PLGRKT: variants seen among roughly 807,000 people sequenced by gnomAD.
PLGRKT encodes plasminogen receptor (KT).
PLGRKT carries 22 observed loss-of-function variants against 18.5 expected under a neutral mutation model. That is an observed-to-expected ratio of 1.19 (90% CI 0.85 to 1.70). The LOEUF is 1.70. Among genes scored for constraint, PLGRKT ranks in the 40% most tolerant of loss-of-function variants. PLGRKT has a pLI of 0.00. For synonymous variants in PLGRKT, 72 were observed against 52.8 expected, an observed-to-expected ratio of 1.36 and a Z score of -1.58; for missense variants, 235 against 174.4, an observed-to-expected ratio of 1.35 and a Z score of -1.96.
intron 3 of PLGRKT, among the ~76,000 whole-genome samples, chr9:5,429,313 G>A (rs1818768391): frequency 6.6e-6 from 1 of 152,212 alleles, no homozygotes; most frequent in Non-Finnish European, 1.5e-5. Flanking sequence ...AAGCTCCAGT[G>A]AGGCCACTGC....
At chr9:5,407,217 G>A (rs994395649) in intron 3 of PLGRKT, among the ~76,000 whole-genome samples, 9 of 152,112 alleles carry the variant, frequency 5.9e-5, no homozygotes, top group Admixed American at 4.6e-4. Context: ...GATGCTAAAT[G>A]ACAAAATTAT....
At chr9:5,366,661 C>A (rs1817394233) in intron 3 of PLGRKT, among the ~76,000 whole-genome samples, 1 of 152,060 alleles carries the variant, frequency 6.6e-6, no homozygotes, top group Admixed American at 6.5e-5. Context: ...TGTGAAAAAG[C>A]TAGAAGCATT....
chr9:5,402,045 G>A (rs149236347), intron 3 of PLGRKT, among the ~76,000 whole-genome samples: 89 of 151,872 alleles, frequency 5.9e-4, no homozygotes, highest in African/African-American at 1.9e-3. Context: ...CAGTTTGAGA[G>A]CATCAAATTC....
chr9:5,395,054 A>G (rs976543779), intron 3 of PLGRKT, among the ~76,000 whole-genome samples: 1 of 151,558 alleles, frequency 6.6e-6, no homozygotes, highest in Non-Finnish European at 1.5e-5. Context: ...ACAATGAAAC[A>G]TTACACTCAA....
chr9:5,379,947 A>G (rs1817705545), intron 3 of PLGRKT, among the ~76,000 whole-genome samples: 1 of 152,230 alleles, frequency 6.6e-6, no homozygotes, highest in Admixed American at 6.5e-5. Flanking sequence ...AGAAATGCAT[A>G]CAAGACTATT....
At chr9:5,430,766 G>C (rs749935356) in intron 3 of PLGRKT, among the ~76,000 whole-genome samples, 16 of 152,150 alleles carry the variant, frequency 1.1e-4, no homozygotes, top group Non-Finnish European at 1.9e-4. Context: ...AGCCATAATG[G>C]GCCACAGAGG....
chr9:5,367,597 G>C (rs1817422975), intron 3 of PLGRKT, among the ~76,000 whole-genome samples: 1 of 152,048 alleles, frequency 6.6e-6, no homozygotes, highest in African/African-American at 2.4e-5. Flanking sequence ...ACTCAAAATG[G>C]ATTAAAGACT....
chr9:5,371,277 A>G (rs1029704622), intron 3 of PLGRKT, among the ~76,000 whole-genome samples: 1 of 152,188 alleles, frequency 6.6e-6, no homozygotes, highest in Non-Finnish European at 1.5e-5. Flanking sequence ...AGAACCTAGG[A>G]AAGAAACAAC....
intron 3 of PLGRKT, among the ~76,000 whole-genome samples, chr9:5,417,382 A>T (rs1202052684): frequency 6.6e-6 from 1 of 152,218 alleles, no homozygotes. Flanking sequence ...AATTAACTCA[A>T]AATGGACCCA....
At chr9:5,423,882 ATAGTC>A (rs1818624299) in intron 3 of PLGRKT, among the ~76,000 whole-genome samples, 1 of 146,078 alleles carries the variant, frequency 6.8e-6, no homozygotes. Flanking sequence ...TATATGTAAT[ATAGTC>A]TATAATATAT....
intron 3 of PLGRKT, among the ~76,000 whole-genome samples, chr9:5,369,256 G>GA (rs1296701007): frequency 2.0e-5 from 3 of 151,874 alleles, no homozygotes; most frequent in Non-Finnish European, 2.9e-5. Context: ...AAATTTACAA[G>GA]AAAAAAAGAA....
chr9:5,417,622 A>G (rs1165025296), intron 3 of PLGRKT, among the ~76,000 whole-genome samples: 1 of 151,760 alleles, frequency 6.6e-6, no homozygotes, highest in East Asian at 1.9e-4. Flanking sequence ...CTTATAGCCA[A>G]TAAAAATCTA....
chr9:5,410,831 C>T (rs1398993222), intron 3 of PLGRKT, among the ~76,000 whole-genome samples: 1 of 151,944 alleles, frequency 6.6e-6, no homozygotes, highest in East Asian at 1.9e-4. Flanking sequence ...TACAAATGAA[C>T]AATAAAATTT....
In PLGRKT at chr9:5,361,154, G is replaced by A; in HGVS notation, c.246C>T (p.Val82=). Residue 82 remains valine (V), a synonymous_variant, in exon 5 of 6, where the codon GTC becomes GTT. Transcript: ENST00000223864. ...AIKKKKPAFL[V]PIVPLSFILT... ...GGATAAAGCTTAATGGAACAATCGG[G>A]ACCAGGAAGGCTGGCTTCTTTTTTT... 6.2e-7 allele frequency: 1 copy of A among 1,609,714 alleles called. No homozygotes were observed. The highest frequency in any genetic ancestry group is 8.5e-7 in the Non-Finnish European group (1 of 1,177,222).
intron 3 of PLGRKT, among the ~76,000 whole-genome samples, chr9:5,371,984 T>C (rs1817526930): frequency 2.0e-5 from 2 of 97,740 alleles, no homozygotes; most frequent in Admixed American, 1.2e-4. Context: ...TATCAGAAAA[T>C]CCTTTTTTTT....
At chr9:5,370,119 T>A (rs1307118540) in intron 3 of PLGRKT, among the ~76,000 whole-genome samples, 3 of 151,862 alleles carry the variant, frequency 2.0e-5, no homozygotes, top group African/African-American at 7.3e-5. Context: ...ATAAAAAACA[T>A]AAAAGGAAGC....
Position 5,418,760 on chromosome 9 carries a change from C to A in PLGRKT, c.81+13137G>T. ...GGAATGGTGATGACAGCCAGGACCTCGGGGTCGTCGAGGAGCTGCGACACG... is the reference window on the plus strand; with the variant it reads ...GGAATGGTGATGACAGCCAGGACCTAGGGGTCGTCGAGGAGCTGCGACACG... On this transcript the variant is annotated intron_variant, in intron 3 of 5. Coordinates refer to ENST00000223864, the MANE Select transcript of PLGRKT (RefSeq NM_018465.4). The surrounding 1 kb of genome is among the most constrained non-coding windows in gnomAD (Gnocchi z 4.2). The A allele has an allele frequency of 1.4e-6, 1 of 712,252 alleles. No individual in the cohort carries two copies. 44.1% of individuals were successfully genotyped at this position (712,252 alleles called of 1,614,324 possible). A position where few individuals can be genotyped will look rare whatever the true frequency, so the allele number is the denominator to read the frequency against.
intron 3 of PLGRKT, chr9:5,382,100 T>C (rs1817758411): frequency 2.8e-6 from 2 of 713,774 alleles, no homozygotes; most frequent in Non-Finnish European, 3.4e-6. Flanking sequence ...GAATTATTCC[T>C]ATAATAAATC....
intron 3 of PLGRKT, among the ~76,000 whole-genome samples, chr9:5,415,941 G>C (rs1400699299): frequency 8.0e-6 from 1 of 125,126 alleles, no homozygotes; most frequent in Non-Finnish European, 1.7e-5. Flanking sequence ...GGAAAAAACT[G>C]GTGAAATATC....
Sources: allele counts gnomAD v4.1 joint callset (sites outside exome capture counted in the v4.1 genomes callset), GRCh38; gene constraint gnomAD v4.1.1; non-coding constraint Gnocchi (gnomAD v3.1); transcripts MANE v1.5; gene names NCBI Gene and HGNC (gene_info 2026-07-23, HGNC 2026-07-21).